KCNK1: variants seen among roughly 807,000 people sequenced by gnomAD.
The protein encoded by KCNK1 is potassium channel subfamily K member 1.
In KCNK1, 10 loss-of-function variants were observed where a neutral mutation model predicts 22.2. The ratio of observed to expected loss-of-function variants is 0.45; its 90% CI spans 0.28 to 0.76. KCNK1 has a LOEUF of 0.76. KCNK1 is among the 30% of genes least tolerant of loss of function. KCNK1 has a pLI of 0.14. For missense variants in KCNK1, 378 were observed against 421.0 expected (o/e 0.90, Z 0.89); for synonymous variants, 200 against 186.4 (o/e 1.07, Z -0.60).
chr1:233,643,513 C>G (rs964675191), intron 1 of KCNK1, among the ~76,000 whole-genome samples: 2 of 152,128 alleles, frequency 1.3e-5, no homozygotes, highest in Non-Finnish European at 2.9e-5. Context: ...AACACTGTAC[C>G]TCCTCCCAGG....
chr1:233,667,058 T>C, intron 2 of KCNK1, 68 bp downstream of exon 2: 1 of 1,231,386 alleles, frequency 8.1e-7, no homozygotes. Flanking sequence ...TATTTATTTA[T>C]TTTGAGCCCA....
At chr1:233,650,958 G>A (rs564503474) in intron 1 of KCNK1, among the ~76,000 whole-genome samples, 1 of 152,246 alleles carries the variant, frequency 6.6e-6, no homozygotes, top group Non-Finnish European at 1.5e-5. Flanking sequence ...AGGCTCAGAG[G>A]TTGGGTTTGA....
rs566598286 is a variant in KCNK1 at position 233,629,422 on chromosome 1, G to A, written c.355+14896G>A. 1.1e-4 allele frequency: 17 copies of A among 152,374 alleles called. 1 individual carries two copies. The East Asian group carries it at 3.3e-3, about 30-fold the overall frequency. 9.4% of individuals were successfully genotyped at this position (152,374 alleles called of 1,614,324 possible). A position where few individuals can be genotyped will look rare whatever the true frequency, so the allele number is the denominator to read the frequency against. On this transcript the variant is annotated intron_variant, in intron 1 of 2. Coordinates refer to ENST00000366621, the MANE Select transcript of KCNK1 (RefSeq NM_002245.4). ...GACATATACTCAGCACACCCATCCAGAAGTGGAAGGCAGCCTTGCCTTAGA... is the reference window on the plus strand; with the variant it reads ...GACATATACTCAGCACACCCATCCAAAAGTGGAAGGCAGCCTTGCCTTAGA...
chr1:233,668,321 T>C (rs1421669217), intron 2 of KCNK1, among the ~76,000 whole-genome samples: 2 of 152,220 alleles, frequency 1.3e-5, no homozygotes, highest in Non-Finnish European at 2.9e-5. Context: ...CTTAGTTGAA[T>C]TGTGTGTATT....
At chr1:233,637,378 T>C (rs1436180099) in intron 1 of KCNK1, 3 of 151,976 alleles carry the variant, frequency 2.0e-5, no homozygotes, top group Non-Finnish European at 4.4e-5. Flanking sequence ...GATGTGCTGG[T>C]GGGTTTTTAG....
Position 233,623,620 on chromosome 1 carries a change from G to A in KCNK1, c.355+9094G>A, listed in dbSNP as rs533083460. Among the ~76,000 whole-genome samples, 15 of 152,258 alleles carry A rather than the reference G, an allele frequency of 9.9e-5. No individual in the cohort carries two copies. The East Asian group carries it at 1.9e-3, about 20-fold the overall frequency. On this transcript the variant is annotated intron_variant, in intron 1 of 2. Coordinates refer to ENST00000366621, the MANE Select transcript of KCNK1 (RefSeq NM_002245.4). ...TTTTTTGTTATTGAGACGGAGTCTC[G>A]CTCTGTCACCCAGGCTGGAGTGCAG... is the stretch of plus-strand genomic sequence containing the variant.
At chr1:233,630,369 A>G (rs1428450445) in intron 1 of KCNK1, 1 of 152,232 alleles carries the variant, frequency 6.6e-6, no homozygotes, top group East Asian at 1.9e-4. Flanking sequence ...TCTCATCTTT[A>G]AAAGAAACAG....
chr1:233,653,000 C>T (rs989026136), intron 1 of KCNK1, among the ~76,000 whole-genome samples: 3 of 152,222 alleles, frequency 2.0e-5, no homozygotes, highest in African/African-American at 7.2e-5. Flanking sequence ...CCTATGCAAA[C>T]TGAACACTCT....
intron 1 of KCNK1, among the ~76,000 whole-genome samples, chr1:233,636,848 A>G (rs1433298309): frequency 6.6e-6 from 1 of 152,166 alleles, no homozygotes; most frequent in Non-Finnish European, 1.5e-5. Flanking sequence ...AAAGGGGCAC[A>G]GGAGAATGGG....
intron 1 of KCNK1, among the ~76,000 whole-genome samples, chr1:233,662,330 A>G (rs576514165): frequency 2.2e-4 from 34 of 151,562 alleles, no homozygotes; most frequent in Non-Finnish European, 4.9e-4. Context: ...AGCTAACTTA[A>G]TGGAGAATGT....
At chr1:233,664,651 C>A (rs1293143860) in intron 1 of KCNK1, among the ~76,000 whole-genome samples, 1 of 152,188 alleles carries the variant, frequency 6.6e-6, no homozygotes, top group Non-Finnish European at 1.5e-5. Flanking sequence ...AAACTGTGTA[C>A]CTTCTGGGAC....
intron 1 of KCNK1, among the ~76,000 whole-genome samples, chr1:233,654,098 A>G (rs1658247444): frequency 6.6e-6 from 1 of 152,140 alleles, no homozygotes; most frequent in African/African-American, 2.4e-5. Flanking sequence ...AGTGATCATG[A>G]ACAGAACGTT....
At chr1:233,652,211 G>A (rs1658212644) in intron 1 of KCNK1, among the ~76,000 whole-genome samples, 1 of 152,086 alleles carries the variant, frequency 6.6e-6, no homozygotes, top group Non-Finnish European at 1.5e-5. Flanking sequence ...TGCTTGGGTG[G>A]GTTAGATCTT....
At chr1:233,616,347 A>G (rs1309512564) in intron 1 of KCNK1, among the ~76,000 whole-genome samples, 1 of 152,222 alleles carries the variant, frequency 6.6e-6, no homozygotes, top group African/African-American at 2.4e-5. Context: ...TGACTCATGT[A>G]TAGTCTTAAC....
intron 1 of KCNK1, among the ~76,000 whole-genome samples, chr1:233,628,959 T>C (rs1463160861): frequency 6.6e-6 from 1 of 152,144 alleles, no homozygotes; most frequent in African/African-American, 2.4e-5. Flanking sequence ...CAGACAAGAA[T>C]TCATTGTGGA....
intron 1 of KCNK1, among the ~76,000 whole-genome samples, chr1:233,657,281 G>A (rs966027545): frequency 6.6e-6 from 1 of 152,096 alleles, no homozygotes. Flanking sequence ...GTAAATTTTG[G>A]GATGGAAAAG....
chr1:233,618,156 T>C (rs1657518359), intron 1 of KCNK1, among the ~76,000 whole-genome samples: 1 of 152,166 alleles, frequency 6.6e-6, no homozygotes, highest in African/African-American at 2.4e-5. Flanking sequence ...AGAATGATCT[T>C]CCTGCTTCTG....
chr1:233,614,889 A>G (rs1657459429), intron 1 of KCNK1, among the ~76,000 whole-genome samples: 2 of 152,096 alleles, frequency 1.3e-5, no homozygotes, highest in South Asian at 2.1e-4. Flanking sequence ...CAACCCACTA[A>G]GCCAAACTGT....
At chr1:233,639,100 A>G (rs1322148347) in intron 1 of KCNK1, among the ~76,000 whole-genome samples, 1 of 152,198 alleles carries the variant, frequency 6.6e-6, no homozygotes, top group Non-Finnish European at 1.5e-5. Context: ...CAAAAAACAG[A>G]TGAATATATA....
Sources: allele counts gnomAD v4.1 joint callset (sites outside exome capture counted in the v4.1 genomes callset), GRCh38; gene constraint gnomAD v4.1.1; transcripts MANE v1.5; gene names NCBI Gene and HGNC (gene_info 2026-07-23, HGNC 2026-07-21).